The following ARHGAP28 variants were observed in gnomAD, a reference collection of about 807,000 sequenced individuals.
ARHGAP28 encodes the protein Rho GTPase activating protein 28.
In ARHGAP28, 56 loss-of-function variants were observed where a neutral mutation model predicts 90.7. That is an observed-to-expected ratio of 0.62 (90% confidence interval 0.50 to 0.77). The LOEUF (loss-of-function observed/expected upper bound fraction) is 0.77. Among genes scored for constraint, ARHGAP28 ranks in the 30% least tolerant of loss-of-function variants. ARHGAP28 has a pLI of 0.00. For missense variants in ARHGAP28, 869 were observed against 900.9 expected, an observed-to-expected ratio of 0.96 and a Z score of 0.45; for synonymous variants, 308 against 323.3, an observed-to-expected ratio of 0.95 and a Z score of 0.51.
chr18:6,902,684 G>C (rs189874559), intron 16 of ARHGAP28, among the ~76,000 whole-genome samples: 1 of 152,208 alleles, frequency 6.6e-6, no homozygotes, highest in Non-Finnish European at 1.5e-5. Context: ...TGGCGAAGAT[G>C]AGAAGAAATC....
intron 14 of ARHGAP28, among the ~76,000 whole-genome samples, chr18:6,892,817 C>A (rs150193402): frequency 7.2e-4 from 110 of 152,300 alleles, no homozygotes; most frequent in African/African-American, 2.6e-3. Flanking sequence ...ACTGAAAAAC[C>A]TCCCAGTCTT....
At chr18:6,853,266 G>A (rs941696012) in intron 4 of ARHGAP28, among the ~76,000 whole-genome samples, 1 of 152,118 alleles carries the variant, frequency 6.6e-6, no homozygotes. Context: ...TTCAGGCCAC[G>A]ATGGAAGAGG....
At chr18:6,880,441 G>A (rs2057168332) in intron 10 of ARHGAP28, among the ~76,000 whole-genome samples, 1 of 152,106 alleles carries the variant, frequency 6.6e-6, no homozygotes, top group African/African-American at 2.4e-5. Flanking sequence ...CCTATGCCAA[G>A]CTCCACGCTC....
intron 3 of ARHGAP28, among the ~76,000 whole-genome samples, chr18:6,847,931 G>A (rs1008826124): frequency 1.6e-4 from 25 of 152,086 alleles, no homozygotes; most frequent in African/African-American, 6.0e-4. Flanking sequence ...TCCTCTCTCT[G>A]GGAGGTAATG....
chr18:6,820,149 T>G (rs1435053142), intron 1 of ARHGAP28, among the ~76,000 whole-genome samples: 2 of 152,156 alleles, frequency 1.3e-5, no homozygotes, highest in Non-Finnish European at 2.9e-5. Context: ...ATAACAATTA[T>G]AATATGTTAT....
intron 14 of ARHGAP28, among the ~76,000 whole-genome samples, chr18:6,892,638 A>G (rs992119785): frequency 1.3e-5 from 2 of 152,072 alleles, no homozygotes; most frequent in African/African-American, 4.8e-5. Context: ...CTCCCTCCTC[A>G]GGGTTTGTTG....
chr18:6,882,055 AT>A, intron 10 of ARHGAP28, 81 bp from the exon 11 acceptor site: 2 of 1,355,990 alleles, frequency 1.5e-6, no homozygotes, highest in Non-Finnish European at 2.0e-6. Flanking sequence ...AAAACAGTTT[AT>A]ATAAGAACAG....
At chr18:6,911,576 C>T (rs1231248732) in intron 17 of ARHGAP28, among the ~76,000 whole-genome samples, 2 of 152,122 alleles carry the variant, frequency 1.3e-5, no homozygotes, top group South Asian at 2.1e-4. Context: ...GCTGGAATTA[C>T]AGGCGCCTAC....
At chr18:6,909,124 TAAA>T in intron 17 of ARHGAP28, 100 bp downstream of exon 17, 1 of 717,180 alleles carries the variant, frequency 1.4e-6, no homozygotes, top group East Asian at 2.7e-5. Flanking sequence ...ATTTCTCAGA[TAAA>T]AACTAAAAAT....
chr18:6,867,716 ATAAT>A (rs1200240949), intron 5 of ARHGAP28, among the ~76,000 whole-genome samples: 7 of 152,348 alleles, frequency 4.6e-5, no homozygotes, highest in Admixed American at 3.9e-4. Context: ...TATTAACAAT[ATAAT>A]TAATATAAGT....
intron 1 of ARHGAP28, among the ~76,000 whole-genome samples, chr18:6,797,968 AT>A: frequency 6.6e-6 from 1 of 152,230 alleles, no homozygotes; most frequent in South Asian, 2.1e-4. Flanking sequence ...CCGAAACACA[AT>A]TTTTTAAACA....
At chr18:6,868,092 G>A in intron 5 of ARHGAP28, 58 bp from the exon 6 acceptor site, 2 of 1,386,374 alleles carry the variant, frequency 1.4e-6, no homozygotes, top group South Asian at 2.3e-5. Context: ...AGGCTGAAAT[G>A]TGAGGTGGAC....
intron 7 of ARHGAP28, 83 bp downstream of exon 7, chr18:6,870,815 T>C (rs1336317196): frequency 6.9e-7 from 1 of 1,442,114 alleles, no homozygotes; most frequent in Non-Finnish European, 9.3e-7. Context: ...CTTTTTTTTT[T>C]TTGAGACGGA....
intron 1 of ARHGAP28, among the ~76,000 whole-genome samples, chr18:6,787,759 A>G (rs1468738127): frequency 1.3e-5 from 2 of 152,208 alleles, no homozygotes; most frequent in Admixed American, 6.5e-5. Context: ...ATTCTCTATT[A>G]AAAGTGTTAG....
rs148344794 is a variant in ARHGAP28, at chr18:6,785,766, T to A, written c.123-38996T>A. On this transcript the variant is annotated intron_variant, in intron 1 of 17. Transcript: ENST00000383472. The stretch of plus-strand genomic sequence containing the variant: ...TTCCATGTAGATATGAGCACTAGAC[T>A]GAGATGGACATTTTCAGGCTTTACT... Among the ~76,000 whole-genome samples, 8 of 152,338 alleles carry A rather than the reference T, an allele frequency of 5.3e-5. No homozygotes were observed. In the East Asian group the frequency reaches 1.5e-3, roughly 29 times the overall value.
intron 1 of ARHGAP28, among the ~76,000 whole-genome samples, chr18:6,745,437 A>T (rs896673190): frequency 6.6e-6 from 1 of 152,300 alleles, no homozygotes; most frequent in Admixed American, 6.5e-5. Flanking sequence ...GGATTTCTGA[A>T]GCCATACCCA....
intron 3 of ARHGAP28, among the ~76,000 whole-genome samples, chr18:6,842,160 G>A (rs2056832351): frequency 6.6e-6 from 1 of 152,118 alleles, no homozygotes; most frequent in African/African-American, 2.4e-5. Flanking sequence ...ACCAGCCTGG[G>A]CAGCATAGCG....
intron 7 of ARHGAP28, among the ~76,000 whole-genome samples, chr18:6,871,002 A>G (rs575665865): frequency 4.8e-4 from 73 of 152,256 alleles, no homozygotes; most frequent in South Asian, 1.5e-3. Context: ...GGGTTTCACC[A>G]TGTTAGCCAG....
intron 15 of ARHGAP28, among the ~76,000 whole-genome samples, chr18:6,895,605 T>G (rs980259539): frequency 1.3e-5 from 2 of 152,194 alleles, no homozygotes; most frequent in Non-Finnish European, 2.9e-5. Context: ...GGTCTCAGCC[T>G]CCATCTTCAC....
Sources: allele counts gnomAD v4.1 joint callset (sites outside exome capture counted in the v4.1 genomes callset), GRCh38; gene constraint gnomAD v4.1.1; transcripts MANE v1.5; gene names NCBI Gene and HGNC (gene_info 2026-07-23, HGNC 2026-07-21).